The following DRD2 variants were observed in gnomAD, a reference collection of about 807,000 sequenced individuals.
DRD2 encodes dopamine receptor D2, also known as D(2) dopamine receptor.
In DRD2, 8 loss-of-function variants were observed where a neutral mutation model predicts 38.0. The ratio of observed to expected loss-of-function variants is 0.21; its 90% confidence interval spans 0.12 to 0.38. DRD2 has a LOEUF of 0.38. Ranked by LOEUF, DRD2 falls within the 10% of genes least tolerant of loss-of-function variation. The probability of loss-of-function intolerance (pLI) is 1.00; values close to 1 mark genes in which losing one functional copy is unlikely to be tolerated. For missense variants in DRD2, 403 were observed against 607.7 expected, an observed-to-expected ratio of 0.66 and a Z score of 3.54; for synonymous variants, 230 against 238.6, an observed-to-expected ratio of 0.96 and a Z score of 0.33.
At chr11:113,422,068 G>A (rs1277202155) in intron 2 of DRD2, among the ~76,000 whole-genome samples, 2 of 152,116 alleles carry the variant, frequency 1.3e-5, no homozygotes, top group African/African-American at 4.8e-5. Flanking sequence ...TAGGGACAGG[G>A]GGTCTGGAAG....
chr11:113,429,298 G>T (rs999246399), intron 1 of DRD2, among the ~76,000 whole-genome samples: 9 of 152,090 alleles, frequency 5.9e-5, no homozygotes, highest in Admixed American at 2.6e-4. Flanking sequence ...GGGCTGGAGT[G>T]CAGTGGGGCT....
chr11:113,461,775 C>T (rs1951321702), intron 1 of DRD2, among the ~76,000 whole-genome samples: 1 of 152,182 alleles, frequency 6.6e-6, no homozygotes, highest in Non-Finnish European at 1.5e-5. Flanking sequence ...TAAACAACTT[C>T]AAATCCCTGA....
chr11:113,414,560 A>G, intron 5 of DRD2, 99 bp from the exon 6 acceptor site: 3 of 1,281,770 alleles, frequency 2.3e-6, no homozygotes. Context: ...GACTGGGCAG[A>G]AGGGCTCAGA....
At position 113,413,294 on chromosome 11, in the gene DRD2, C is replaced by T. The variant is rs758304489; in HGVS notation, c.811-411G>A. The stretch of plus-strand genomic sequence containing the variant: ...AAAGAGGGTGCCCACCCCTGTTCTC[C>T]CTGTCAAACAAGGGGCCCAGTGCTC... On this transcript the variant is annotated intron_variant, in intron 6 of 7. Coordinates refer to ENST00000362072, the MANE Select transcript of DRD2 (RefSeq NM_000795.4). 7.3e-6 allele frequency: 4 copies of T among 546,782 alleles called. No individual in the cohort carries two copies. The East Asian group carries it at 2.0e-4, about 27-fold the overall frequency. The allele number at this position is 546,782 out of a possible 1,614,324, so 33.9% of individuals were successfully genotyped here.
chr11:113,410,838 C>T lies in DRD2; in HGVS notation c.1221G>A (p.Leu407=), dbSNP rs1285559714. The T allele has an allele frequency of 3.7e-6, 6 of 1,614,194 alleles. No individual in the cohort carries two copies. The East Asian group carries it at 6.7e-5, about 18-fold the overall frequency. The change falls in exon 8 of 8, where the codon CTG becomes CTA. Residue 407 remains leucine (L), a synonymous_variant. Coordinates refer to ENST00000362072, the MANE Select transcript of DRD2 (RefSeq NM_000795.4). ...AGCCCAGCCACGTGAAGGCGCTGTACAGGACAGGCGGGATGTTGCAGTCAC... is the reference window on the plus strand; with the variant it reads ...AGCCCAGCCACGTGAAGGCGCTGTATAGGACAGGCGGGATGTTGCAGTCAC... The part of the protein sequence containing the change: ...IHCDCNIPPV[L]YSAFTWLGYV...
intron 1 of DRD2, among the ~76,000 whole-genome samples, chr11:113,433,987 C>G (rs937162449): frequency 6.6e-6 from 1 of 152,206 alleles, no homozygotes; most frequent in African/African-American, 2.4e-5. Context: ...CAACTCCTAA[C>G]CCTAAGCCCC....
chr11:113,436,760 A>G (rs556112280), intron 1 of DRD2, among the ~76,000 whole-genome samples: 1 of 152,320 alleles, frequency 6.6e-6, no homozygotes, highest in East Asian at 1.9e-4. Flanking sequence ...ATGTTTTAAA[A>G]TATCTAATCT....
Position 113,415,442 on chromosome 11 carries a change from G to A in DRD2, c.702C>T (p.Ala234=). The A allele has an allele frequency of 1.9e-6, 3 of 1,613,618 alleles. No individual in the cohort carries two copies. The highest frequency in any genetic ancestry group is 2.2e-5 in the East Asian group (1 of 44,874). ...NTKRSSRAFR[A]HLRAPLKGNC... ...AGACCTTTAGTGGAGCCCTCAGGTG[G>A]GCCCTGAAAGCTCGGCTGCTGCGTT... The change falls in exon 5 of 8, where the codon GCC becomes GCT. Residue 234 remains alanine (A), a synonymous_variant. Coordinates refer to ENST00000362072, the MANE Select transcript of DRD2 (RefSeq NM_000795.4).
chr11:113,437,780 C>T (rs1951052542), intron 1 of DRD2, among the ~76,000 whole-genome samples: 1 of 152,182 alleles, frequency 6.6e-6, no homozygotes, highest in African/African-American at 2.4e-5. Flanking sequence ...GCAGGCCAGG[C>T]TCCTCCCCAA....
chr11:113,456,241 C>G (rs1951267310), intron 1 of DRD2, among the ~76,000 whole-genome samples: 1 of 152,168 alleles, frequency 6.6e-6, no homozygotes, highest in Admixed American at 6.5e-5. Context: ...CGAATTTGAA[C>G]TCATAGAAGT....
At chr11:113,448,098 T>C (rs1951170129) in intron 1 of DRD2, among the ~76,000 whole-genome samples, 1 of 152,144 alleles carries the variant, frequency 6.6e-6, no homozygotes, top group Non-Finnish European at 1.5e-5. Flanking sequence ...ACCTTCAGGC[T>C]AGGAAGTCAT....
At chr11:113,434,777 T>TC (rs375918396) in intron 1 of DRD2, among the ~76,000 whole-genome samples, 3,125 of 151,028 alleles carry the variant, frequency 0.021, 105 homozygotes, top group African/African-American at 0.071. Context: ...AAGGGAGCCA[T>TC]CCCCCCCCAT....
intron 1 of DRD2, among the ~76,000 whole-genome samples, chr11:113,425,815 C>A (rs554559114): frequency 6.6e-6 from 1 of 152,146 alleles, no homozygotes; most frequent in South Asian, 2.1e-4. Context: ...GGGGGATGTT[C>A]CAGACAGACA....
intron 1 of DRD2, among the ~76,000 whole-genome samples, chr11:113,437,106 C>A (rs1026016979): frequency 6.6e-6 from 1 of 152,170 alleles, no homozygotes; most frequent in East Asian, 1.9e-4. Flanking sequence ...ACTTTAATGA[C>A]AAATAGAACA....
intron 5 of DRD2, among the ~76,000 whole-genome samples, chr11:113,414,956 A>C (rs1950810973): frequency 6.6e-6 from 1 of 152,164 alleles, no homozygotes; most frequent in Non-Finnish European, 1.5e-5. Flanking sequence ...AATTCACAAG[A>C]CATCAGGGGG....
Position 113,416,873 on chromosome 11 carries a change from G to A in DRD2, c.522C>T (p.Leu174=), listed in dbSNP as rs1950832897. The change falls in exon 4 of 8, where the codon CTC becomes CTT. Residue 174 remains leucine (L), a synonymous_variant. Transcript: ENST00000362072. ...AAAAGCAGAATGTACCTGCGTTATT[G>A]AGTCCGAAGAGGAGTGGGCAGGAGA... The part of the protein sequence containing the change: ...FTISCPLLFG[L]NNADQNECII... The A allele has an allele frequency of 6.2e-7, 1 of 1,614,042 alleles. No individual in the cohort carries two copies. The highest frequency in any genetic ancestry group is 1.3e-5 in the African/African-American group (1 of 75,058).
chr11:113,439,910 C>G (rs1392289326), intron 1 of DRD2, among the ~76,000 whole-genome samples: 1 of 142,306 alleles, frequency 7.0e-6, no homozygotes, highest in African/African-American at 2.6e-5. Context: ...AATGACTCAC[C>G]CAGGTTCATA....
At chr11:113,428,403 C>A (rs79027564) in intron 1 of DRD2, among the ~76,000 whole-genome samples, 1 of 152,138 alleles carries the variant, frequency 6.6e-6, no homozygotes, top group Non-Finnish European at 1.5e-5. Context: ...GGGAAAGCAG[C>A]GAGGCCTTGA....
At chr11:113,439,678 A>G (rs1241786906) in intron 1 of DRD2, among the ~76,000 whole-genome samples, 1 of 151,304 alleles carries the variant, frequency 6.6e-6, no homozygotes, top group Non-Finnish European at 1.5e-5. Context: ...CATCTCTACT[A>G]AAAATACAAA....
Sources: allele counts gnomAD v4.1 joint callset (sites outside exome capture counted in the v4.1 genomes callset), GRCh38; gene constraint gnomAD v4.1.1; transcripts MANE v1.5; gene names NCBI Gene and HGNC (gene_info 2026-07-23, HGNC 2026-07-21).